Variants in CTNNA3 observed in about 807,000 individuals in gnomAD.
CTNNA3 encodes catenin alpha 3.
Under a neutral mutation model 95.7 loss-of-function variants are expected in CTNNA3, and 76 were observed. The ratio of observed to expected loss-of-function variants is 0.79; its 90% CI spans 0.66 to 0.96. CTNNA3 has a LOEUF of 0.96. Ranked by LOEUF, CTNNA3 falls within the 40% of genes least tolerant of loss-of-function variation. CTNNA3 has a pLI of 0.00. For missense variants in CTNNA3, 1,191 were observed against 1,089.8 expected, an observed-to-expected ratio of 1.09 and a Z score of -1.31; for synonymous variants, 431 against 374.4, an observed-to-expected ratio of 1.15 and a Z score of -1.74.
chr10:66,178,776 A>G (rs1247767003), intron 13 of CTNNA3, among the ~76,000 whole-genome samples: 1 of 151,896 alleles, frequency 6.6e-6, no homozygotes, highest in Non-Finnish European at 1.5e-5. Flanking sequence ...TTATAGGAGA[A>G]TATATGAATA....
At chr10:66,514,838 T>G (rs1840782852) in intron 11 of CTNNA3, among the ~76,000 whole-genome samples, 1 of 152,152 alleles carries the variant, frequency 6.6e-6, no homozygotes, top group African/African-American at 2.4e-5. Flanking sequence ...AGTTTGTAGC[T>G]CATGATGAGT....
intron 7 of CTNNA3, among the ~76,000 whole-genome samples, chr10:66,891,547 T>TA (rs371146311): frequency 3.3e-5 from 5 of 152,178 alleles, no homozygotes; most frequent in African/African-American, 4.8e-5. Context: ...TGTTTTATCC[T>TA]AAAAAAACTA....
At position 66,766,259 on chromosome 10, in the gene CTNNA3, C is replaced by T. The variant is rs1839846928; in HGVS notation, c.1281+5G>A. Reference sequence around the variant, plus strand: ...TTTAGTGAGTTACAGTTCTAGCATGCTTACCTCTACAAGCCTGCTGGTGTG... The same window carrying T: ...TTTAGTGAGTTACAGTTCTAGCATGTTTACCTCTACAAGCCTGCTGGTGTG... On this transcript the variant is annotated splice_donor_5th_base_variant and intron_variant, in intron 9 of 17. Transcript: ENST00000433211. The T allele has an allele frequency of 6.2e-7, 1 of 1,613,418 alleles. No homozygotes were observed. Among genetic ancestry groups the T allele is most frequent in the East Asian group, 2.2e-5 (1 of 44,834 alleles).
chr10:66,529,888 G>A (rs932928887), intron 10 of CTNNA3, among the ~76,000 whole-genome samples: 1 of 152,148 alleles, frequency 6.6e-6, no homozygotes, highest in African/African-American at 2.4e-5. Context: ...CATAAAAAAA[G>A]TCATATTACC....
At chr10:66,381,599 C>G (rs1483854052) in intron 11 of CTNNA3, among the ~76,000 whole-genome samples, 1 of 152,106 alleles carries the variant, frequency 6.6e-6, no homozygotes, top group Non-Finnish European at 1.5e-5. Context: ...TCTTATAAGA[C>G]ATTCTTAAAT....
At chr10:67,002,983 A>G (rs1184228051) in intron 7 of CTNNA3, among the ~76,000 whole-genome samples, 2 of 152,188 alleles carry the variant, frequency 1.3e-5, no homozygotes, top group Non-Finnish European at 2.9e-5. Context: ...AATAAAATAC[A>G]TTCATCAGAT....
chr10:66,303,543 A>C (rs1031480176), intron 12 of CTNNA3, among the ~76,000 whole-genome samples: 2 of 152,166 alleles, frequency 1.3e-5, no homozygotes, highest in Non-Finnish European at 2.9e-5. Flanking sequence ...GTTTTTATAT[A>C]ATTGGTTAGG....
At chr10:67,297,829 GC>G (rs1840108672) in intron 5 of CTNNA3, among the ~76,000 whole-genome samples, 1 of 152,180 alleles carries the variant, frequency 6.6e-6, no homozygotes, top group African/African-American at 2.4e-5. Context: ...TTTGCATCCT[GC>G]GGTCATGTAG....
chr10:66,749,885 G>A (rs1229034657), intron 9 of CTNNA3, among the ~76,000 whole-genome samples: 1 of 152,180 alleles, frequency 6.6e-6, no homozygotes, highest in Admixed American at 6.5e-5. Context: ...ACTTGGTATT[G>A]CCAGTATCTT....
At chr10:67,232,707 C>T (rs1865274830) in intron 5 of CTNNA3, among the ~76,000 whole-genome samples, 3 of 151,802 alleles carry the variant, frequency 2.0e-5, no homozygotes, top group Non-Finnish European at 4.4e-5. Context: ...TTAAAAGACA[C>T]AGACTGGCAA....
chr10:67,647,631 T>G, intron 1 of CTNNA3, 113 bp from the exon 2 acceptor site: 4 of 750,674 alleles, frequency 5.3e-6, no homozygotes, highest in Non-Finnish European at 6.6e-6. Context: ...CTTCCTGATA[T>G]CAACCATAGC....
At chr10:66,480,936 T>G (rs527352472) in intron 11 of CTNNA3, among the ~76,000 whole-genome samples, 1 of 152,282 alleles carries the variant, frequency 6.6e-6, no homozygotes, top group African/African-American at 2.4e-5. Context: ...ACTTAAGTAT[T>G]ATTGCAGAGG....
intron 15 of CTNNA3, among the ~76,000 whole-genome samples, chr10:66,000,839 CA>C (rs1343413549): frequency 6.6e-6 from 1 of 152,084 alleles, no homozygotes; most frequent in Non-Finnish European, 1.5e-5. Context: ...GTAGCTTGAC[CA>C]AGTTTCACAG....
intron 17 of CTNNA3, among the ~76,000 whole-genome samples, chr10:65,921,208 A>G (rs1041392410): frequency 8.5e-5 from 13 of 152,222 alleles, no homozygotes; most frequent in African/African-American, 3.1e-4. Flanking sequence ...CATTTACTAC[A>G]AAAAGGTGGA....
intron 16 of CTNNA3, among the ~76,000 whole-genome samples, chr10:65,985,881 C>A (rs1022732244): frequency 6.6e-6 from 1 of 151,426 alleles, no homozygotes; most frequent in East Asian, 1.9e-4. Context: ...AAAAACCTTT[C>A]TTTGTGTTAC....
intron 1 of CTNNA3, among the ~76,000 whole-genome samples, chr10:67,650,000 T>C (rs3096243): frequency 0.44 from 66,870 of 152,006 alleles, 18,692 homozygotes; most frequent in African/African-American, 0.8. Context: ...CCTCCACGCC[T>C]GGCTAATTTT....
intron 7 of CTNNA3, among the ~76,000 whole-genome samples, chr10:67,117,066 T>C (rs1478683615): frequency 6.6e-6 from 1 of 151,938 alleles, no homozygotes; most frequent in Non-Finnish European, 1.5e-5. Context: ...TTTTAATTAC[T>C]GGTAGTAAGA....
chr10:66,610,310 C>T (rs1254076490), intron 10 of CTNNA3, among the ~76,000 whole-genome samples: 2 of 151,986 alleles, frequency 1.3e-5, no homozygotes, highest in Non-Finnish European at 2.9e-5. Context: ...TGTAACAAAC[C>T]CGCACATGTA....
intron 11 of CTNNA3, among the ~76,000 whole-genome samples, chr10:66,491,240 C>T (rs562547682): frequency 7.1e-4 from 108 of 152,246 alleles, no homozygotes; most frequent in African/African-American, 2.4e-3. Flanking sequence ...CTTTTAGTCT[C>T]GGCCTATAAT....
Sources: gnomAD v4.1 joint callset for allele counts (sites outside exome capture counted in the v4.1 genomes callset) on GRCh38, gnomAD v4.1.1 for gene constraint, MANE v1.5 for transcripts, NCBI Gene and HGNC (gene_info 2026-07-23, HGNC 2026-07-21) for gene names.